Variants in HHAT observed in about 807,000 individuals in gnomAD.
The protein encoded by HHAT is hedgehog acyltransferase.
HHAT carries 47 observed loss-of-function variants against 70.8 expected under a neutral mutation model. The observed-to-expected ratio is 0.66, with a 90% CI of 0.53 to 0.85. The LOEUF is 0.85. HHAT is among the 40% of genes least tolerant of loss of function. HHAT has a pLI of 0.00. For synonymous variants in HHAT, 228 were observed against 247.6 expected (o/e 0.92, Z 0.74); for missense variants, 609 against 604.8 (o/e 1.01, Z -0.07).
chr1:210,627,933 G>T (rs1372539861), intron 11 of HHAT, among the ~76,000 whole-genome samples: 2 of 152,168 alleles, frequency 1.3e-5, no homozygotes, highest in African/African-American at 4.8e-5. Context: ...GACCAATGCA[G>T]GTTGCTTTTT....
chr1:210,576,549 G>A (rs1409473356), intron 9 of HHAT, among the ~76,000 whole-genome samples: 5 of 151,530 alleles, frequency 3.3e-5, no homozygotes, highest in Non-Finnish European at 5.9e-5. Context: ...ATAGCATTAG[G>A]AGATATACCT....
At chr1:210,584,283 T>G (rs1367181656) in intron 9 of HHAT, among the ~76,000 whole-genome samples, 2 of 151,920 alleles carry the variant, frequency 1.3e-5, no homozygotes, top group Non-Finnish European at 2.9e-5. Flanking sequence ...AAAAAAAAAA[T>G]CTCTTCTCTT....
chr1:210,566,083 T>G (rs1163774103), intron 9 of HHAT, among the ~76,000 whole-genome samples: 1 of 152,156 alleles, frequency 6.6e-6, no homozygotes, highest in Admixed American at 6.5e-5. Flanking sequence ...GTTGGATACT[T>G]TATCTAGATC....
chr1:210,659,771 A>T (rs561492880), intron 11 of HHAT, among the ~76,000 whole-genome samples: 11 of 152,364 alleles, frequency 7.2e-5, no homozygotes, highest in Non-Finnish European at 1.5e-4. Context: ...AACGTATGCA[A>T]ATCAATAAAT....
upstream of HHAT, chr1:210,328,390 T>C (rs908745007): frequency 6.6e-6 from 1 of 152,228 alleles, no homozygotes. Context: ...TCTCTGTAAG[T>C]TGCTTTACAA....
intron 10 of HHAT, among the ~76,000 whole-genome samples, chr1:210,604,254 T>TG (rs1664904416): frequency 6.6e-6 from 1 of 150,948 alleles, no homozygotes; most frequent in Non-Finnish European, 1.5e-5. Flanking sequence ...TATTTTTTTT[T>TG]TTTTTGTATT....
At chr1:210,339,639 C>A (rs1376800504) in intron 1 of HHAT, among the ~76,000 whole-genome samples, 1 of 152,036 alleles carries the variant, frequency 6.6e-6, no homozygotes, top group Non-Finnish European at 1.5e-5. Flanking sequence ...TGTGAGCTGG[C>A]GCCAAATGCC....
At chr1:210,549,413 A>G (rs914331077) in intron 9 of HHAT, among the ~76,000 whole-genome samples, 7 of 148,576 alleles carry the variant, frequency 4.7e-5, no homozygotes, top group Admixed American at 1.4e-4. Context: ...TTCAGAGTCC[A>G]TGGTTCTCTG....
chr1:210,478,983 A>C (rs541643858), intron 8 of HHAT, among the ~76,000 whole-genome samples: 2 of 148,916 alleles, frequency 1.3e-5, no homozygotes, highest in East Asian at 4.5e-4. Flanking sequence ...TGTGGGCTTA[A>C]AGTGTGATCT....
Position 210,458,943 on chromosome 1 carries a change from G to A in HHAT, c.857-5562G>A, listed in dbSNP as rs373153437. The stretch of plus-strand genomic sequence containing the variant: ...GGACTAAATTCTAGGGGAGCTAGTT[G>A]GGATCTTTTCTCTAGCCCTCCTAGA... On this transcript the variant is annotated intron_variant, in intron 7 of 11. Transcript: ENST00000261458. 3.3e-5 allele frequency among the ~76,000 whole-genome samples: 5 copies of A among 152,130 alleles called. No individual in the cohort carries two copies. The East Asian group carries it at 9.6e-4, about 29-fold the overall frequency.
chr1:210,355,918 T>G (rs1264341804), intron 2 of HHAT, among the ~76,000 whole-genome samples: 1 of 151,796 alleles, frequency 6.6e-6, no homozygotes, highest in Non-Finnish European at 1.5e-5. Flanking sequence ...TTTTTCTATT[T>G]CATTATTATT....
At chr1:210,515,531 G>A (rs983346017) in intron 9 of HHAT, among the ~76,000 whole-genome samples, 1 of 152,078 alleles carries the variant, frequency 6.6e-6, no homozygotes, top group Non-Finnish European at 1.5e-5. Flanking sequence ...GCTGAGGCAG[G>A]TGGATCATGA....
intron 8 of HHAT, among the ~76,000 whole-genome samples, chr1:210,472,304 C>T (rs2094218920): frequency 6.6e-6 from 1 of 152,152 alleles, no homozygotes. Context: ...TTATTTTTGC[C>T]ACTCTACAGG....
chr1:210,620,757 AT>A (rs1558292035), intron 10 of HHAT, among the ~76,000 whole-genome samples: 2 of 151,680 alleles, frequency 1.3e-5, no homozygotes, highest in South Asian at 4.2e-4. Flanking sequence ...GCTTATTTAA[AT>A]TTTTTTTTAA....
At chr1:210,630,194 A>C (rs1189955802) in intron 11 of HHAT, among the ~76,000 whole-genome samples, 1 of 152,094 alleles carries the variant, frequency 6.6e-6, no homozygotes, top group African/African-American at 2.4e-5. Flanking sequence ...GCCTGCCCGG[A>C]TAGTCCAGAG....
chr1:210,433,187 C>T (rs1034767988), intron 7 of HHAT, among the ~76,000 whole-genome samples: 3 of 151,790 alleles, frequency 2.0e-5, no homozygotes, highest in Middle Eastern at 3.2e-3. Flanking sequence ...GTGAGAGCTG[C>T]TTTAGAGATG....
At chr1:210,464,397 G>T (rs1157298743) in intron 7 of HHAT, 108 bp from the exon 8 acceptor site, 2 of 1,013,410 alleles carry the variant, frequency 2.0e-6, no homozygotes, top group Non-Finnish European at 3.1e-6. Context: ...GGGAGGAAGG[G>T]GTGTGGGGAG....
At chr1:210,665,616 G>A (rs1179918606) in intron 11 of HHAT, among the ~76,000 whole-genome samples, 1 of 152,184 alleles carries the variant, frequency 6.6e-6, no homozygotes, top group Non-Finnish European at 1.5e-5. Flanking sequence ...GTGGAAGGAG[G>A]GAGGAAGTTA....
intron 7 of HHAT, among the ~76,000 whole-genome samples, chr1:210,429,174 A>G (rs752446501): frequency 1.8e-4 from 27 of 151,852 alleles, no homozygotes; most frequent in African/African-American, 2.4e-5. Context: ...AACACAATGG[A>G]TCTACCATGT....
Sources: allele counts gnomAD v4.1 joint callset (sites outside exome capture counted in the v4.1 genomes callset), GRCh38; gene constraint gnomAD v4.1.1; transcripts MANE v1.5; gene names NCBI Gene and HGNC (gene_info 2026-07-23, HGNC 2026-07-21).